Variants in GPC5 observed in about 807,000 individuals in gnomAD.
The protein encoded by GPC5 is glypican-5.
In GPC5, 47 loss-of-function variants were observed where a neutral mutation model predicts 53.9. The ratio of observed to expected loss-of-function variants is 0.87; its 90% CI spans 0.69 to 1.11. The LOEUF (loss-of-function observed/expected upper bound fraction) is 1.11, where lower values mean the gene tolerates loss of function less well. Ranked by LOEUF, GPC5 falls within the 50% of genes most tolerant of loss-of-function variation. GPC5 has a pLI of 0.00. For missense variants in GPC5, 748 were observed against 713.1 expected (o/e 1.05, Z -0.56); for synonymous variants, 286 against 263.3 (o/e 1.09, Z -0.84).
chr13:92,571,111 T>G (rs1883008301), intron 7 of GPC5, among the ~76,000 whole-genome samples: 1 of 152,144 alleles, frequency 6.6e-6, no homozygotes, highest in Non-Finnish European at 1.5e-5. Context: ...AATCAGTTGT[T>G]GCATACATAA....
intron 7 of GPC5, among the ~76,000 whole-genome samples, chr13:92,843,212 C>T (rs1175498158): frequency 6.6e-6 from 1 of 152,130 alleles, no homozygotes; most frequent in Non-Finnish European, 1.5e-5. Flanking sequence ...CTTAACCACC[C>T]CAATTTGTAT....
At chr13:92,122,590 T>C (rs568396321) in intron 6 of GPC5, among the ~76,000 whole-genome samples, 2 of 151,392 alleles carry the variant, frequency 1.3e-5, no homozygotes, top group African/African-American at 4.8e-5. Context: ...TGAGGCCTTG[T>C]AGGCAGTTTT....
chr13:92,135,481 C>A (rs2041776597), intron 6 of GPC5, among the ~76,000 whole-genome samples: 1 of 152,070 alleles, frequency 6.6e-6, no homozygotes, highest in South Asian at 2.1e-4. Context: ...AATAAACCTA[C>A]CCAGTCAATT....
At chr13:91,903,962 C>G (rs1280318190) in intron 5 of GPC5, among the ~76,000 whole-genome samples, 1 of 151,888 alleles carries the variant, frequency 6.6e-6, no homozygotes. Flanking sequence ...TCTCAGTTTT[C>G]ATTGCCTATA....
intron 7 of GPC5, among the ~76,000 whole-genome samples, chr13:92,740,884 ATATT>A (rs757496910): frequency 0.046 from 3,980 of 85,778 alleles, 83 homozygotes; most frequent in Non-Finnish European, 0.064. Flanking sequence ...GTATGTATGT[ATATT>A]TATTTATTTA....
At chr13:92,702,148 A>G (rs1351081146) in intron 7 of GPC5, among the ~76,000 whole-genome samples, 1 of 152,050 alleles carries the variant, frequency 6.6e-6, no homozygotes, top group Non-Finnish European at 1.5e-5. Context: ...CTCCTTTGCT[A>G]TATTCTGCCC....
intron 7 of GPC5, among the ~76,000 whole-genome samples, chr13:92,398,785 C>A (rs908703383): frequency 6.6e-6 from 1 of 152,084 alleles, no homozygotes; most frequent in Admixed American, 6.6e-5. Flanking sequence ...AATGGTACAA[C>A]CATAGTTGCA....
At chr13:92,162,812 A>G (rs578017348) in intron 7 of GPC5, among the ~76,000 whole-genome samples, 1 of 152,242 alleles carries the variant, frequency 6.6e-6, no homozygotes, top group East Asian at 1.9e-4. Context: ...TGACAACTCA[A>G]TACTTTTTTT....
chr13:92,278,606 C>T (rs936291713), intron 7 of GPC5, among the ~76,000 whole-genome samples: 2 of 151,934 alleles, frequency 1.3e-5, no homozygotes, highest in Non-Finnish European at 2.9e-5. Context: ...GTCAAGAATC[C>T]ATTGCCTGAT....
intron 6 of GPC5, among the ~76,000 whole-genome samples, chr13:92,004,458 T>TTTTATA (rs1491510192): frequency 5.9e-4 from 49 of 82,490 alleles, no homozygotes; most frequent in African/African-American, 2.7e-3. Context: ...AAAAAAAAAA[T>TTTTATA]TATATATATA....
At chr13:92,077,223 A>T (rs1264759254) in intron 6 of GPC5, among the ~76,000 whole-genome samples, 3 of 152,128 alleles carry the variant, frequency 2.0e-5, no homozygotes, top group Non-Finnish European at 4.4e-5. Flanking sequence ...TGTTCTCAGG[A>T]CCTCCTGAGG....
chr13:92,072,323 G>T (rs1355916994), intron 6 of GPC5, among the ~76,000 whole-genome samples: 2 of 148,840 alleles, frequency 1.3e-5, no homozygotes, highest in Non-Finnish European at 3.0e-5. Context: ...CTGGAGTGCA[G>T]TGGTATGATC....
At chr13:92,665,170 T>C (rs1886528856) in intron 7 of GPC5, among the ~76,000 whole-genome samples, 1 of 152,134 alleles carries the variant, frequency 6.6e-6, no homozygotes, top group Non-Finnish European at 1.5e-5. Flanking sequence ...TCATTTATTT[T>C]TTTCCCCAGG....
intron 2 of GPC5, among the ~76,000 whole-genome samples, chr13:91,500,735 C>T (rs937237419): frequency 6.6e-5 from 10 of 152,114 alleles, no homozygotes; most frequent in African/African-American, 1.7e-4. Context: ...ATTTTTGTCT[C>T]GATACTGTAT....
At chr13:92,158,311 G>C (rs939368525) in intron 7 of GPC5, among the ~76,000 whole-genome samples, 10 of 152,276 alleles carry the variant, frequency 6.6e-5, no homozygotes, top group Admixed American at 4.6e-4. Flanking sequence ...CTATAGAGCC[G>C]TTTAGACTTA....
At chr13:91,526,642 G>A (rs1035972754) in intron 2 of GPC5, among the ~76,000 whole-genome samples, 4 of 152,182 alleles carry the variant, frequency 2.6e-5, no homozygotes, top group East Asian at 1.9e-4. Flanking sequence ...CTACATCAGC[G>A]GCTATGACAC....
chr13:91,513,054 G>A (rs1440287125), intron 2 of GPC5, among the ~76,000 whole-genome samples: 1 of 152,112 alleles, frequency 6.6e-6, no homozygotes, highest in Non-Finnish European at 1.5e-5. Context: ...TTGTTACATA[G>A]GCAGGCTGGT....
intron 7 of GPC5, among the ~76,000 whole-genome samples, chr13:92,195,875 T>C (rs1226788535): frequency 6.6e-6 from 1 of 152,180 alleles, no homozygotes; most frequent in Non-Finnish European, 1.5e-5. Context: ...TATACTTATG[T>C]GCTCACTGTG....
intron 7 of GPC5, among the ~76,000 whole-genome samples, chr13:92,618,082 C>A (rs1357747850): frequency 6.6e-6 from 1 of 152,124 alleles, no homozygotes; most frequent in East Asian, 1.9e-4. Context: ...GCAAATGGTG[C>A]ACCAGTGAAA....
Sources: allele counts gnomAD v4.1 joint callset (sites outside exome capture counted in the v4.1 genomes callset), GRCh38; gene constraint gnomAD v4.1.1; transcripts MANE v1.5; gene names NCBI Gene and HGNC (gene_info 2026-07-23, HGNC 2026-07-21).